Variants in ATP13A2 observed in about 807,000 individuals in gnomAD.
ATP13A2 encodes the protein ATPase cation transporting 13A2.
A neutral mutation model predicts 138.3 loss-of-function variants in ATP13A2; 83 were observed. That is an observed-to-expected ratio of 0.60 (90% CI 0.50 to 0.72). The LOEUF is 0.72. Among genes scored for constraint, ATP13A2 ranks in the 30% least tolerant of loss-of-function variants. The pLI is 0.00. For synonymous variants in ATP13A2, 663 were observed against 699.0 expected (o/e 0.95, Z 0.81); for missense variants, 1,402 against 1,606.4 (o/e 0.87, Z 2.17).
In ATP13A2 at chr1:16,985,963, G is replaced by A. The variant is rs759006564; in HGVS notation, c.*258C>T. 22 of 1,440,782 alleles carry A rather than the reference G, an allele frequency of 1.5e-5. No homozygotes were observed. In the African/African-American group the frequency reaches 3.0e-4, roughly 20 times the overall value. The allele number at this position is 1,440,782 out of a possible 1,614,324, so 89.2% of individuals were successfully genotyped here. A position where few individuals can be genotyped will look rare whatever the true frequency, so the allele number is the denominator to read the frequency against. On this transcript the variant is annotated 3_prime_UTR_variant, in exon 29 of 29. Coordinates refer to ENST00000326735, the MANE Select transcript of ATP13A2 (RefSeq NM_022089.4). ...TACAAGACAGGCACAGCAGAGCCAG[G>A]AAAATATCATGACTTTATTTGCTAC...
chr1:16,990,250 G>A lies in ATP13A2; in HGVS notation c.2289C>T (p.Gly763=). ...NLQTAVTVAR[G]CGMVAPQEHL... is the part of the protein sequence containing the mutation. ...GCTCCTGGGGGGCCACCATGCCACA[G>A]CCCCGGGCCACAGTCACCGCTGTCT... Residue 763 remains glycine, a synonymous_variant, in exon 21 of 29, where the codon GGC becomes GGT. Transcript: ENST00000326735. 6.2e-7 allele frequency: 1 copy of A among 1,614,058 alleles called. No homozygotes were observed. Among genetic ancestry groups the A allele is most frequent in the Non-Finnish European group, 8.5e-7 (1 of 1,180,034 alleles).
At chr1:17,003,165 G>A (rs1026908579) in intron 6 of ATP13A2, among the ~76,000 whole-genome samples, 3 of 152,090 alleles carry the variant, frequency 2.0e-5, no homozygotes, top group African/African-American at 7.2e-5. Flanking sequence ...ACCTCCCTCC[G>A]TGCTTCCATC....
chr1:16,991,636 A>G (rs778200903), intron 20 of ATP13A2, 98 bp downstream of exon 20: 4 of 1,588,472 alleles, frequency 2.5e-6, no homozygotes, highest in Non-Finnish European at 3.4e-6. Context: ...GCAAGGGCCC[A>G]AAAAGATGCC....
chr1:16,993,103 G>A (rs2076992249), intron 16 of ATP13A2, among the ~76,000 whole-genome samples: 1 of 152,148 alleles, frequency 6.6e-6, no homozygotes, highest in Non-Finnish European at 1.5e-5. Flanking sequence ...TTTTATTACA[G>A]ACGGGGTTTC....
At chr1:17,007,319 C>T (rs918079174) in intron 1 of ATP13A2, among the ~76,000 whole-genome samples, 5 of 152,168 alleles carry the variant, frequency 3.3e-5, no homozygotes, top group Non-Finnish European at 7.3e-5. Flanking sequence ...GGTTCATCTA[C>T]GGTCCCAGAC....
At position 16,997,093 on chromosome 1, in the gene ATP13A2, G is replaced by C. The variant is rs142916745; in HGVS notation, c.1122C>G (p.Leu374=). 1.2e-6 allele frequency: 2 copies of C among 1,613,630 alleles called. No individual in the cohort carries two copies. The highest frequency in any genetic ancestry group is 1.7e-6 in the Non-Finnish European group (2 of 1,180,026). The change falls in exon 12 of 29, where the codon CTC becomes CTG. Residue 374 remains leucine (L), a synonymous_variant. Transcript: ENST00000326735. The stretch of plus-strand genomic sequence containing the variant: ...CCTGCAAGATGAGGGTCCCGCAGAA[G>C]AGTGTGTGCCGCCGGTGTGTCTCTG... ...YCAETHRRHT[L]FCGTLILQAR... is the part of the protein sequence containing the mutation.
rs913315627 is a variant in ATP13A2, at chr1:16,991,782, C to T, written c.2203G>A (p.Val735Ile). ...RNLLKPQTTP[V>I]IQALRRTRIR... is the part of the protein sequence containing the mutation. ...CGGGTCCTTCGCAGAGCCTGGATAA[C>T]TGGCGTTGTCTGCGGCTTCAGTAGG... Residue 735 changes from valine (V) to isoleucine (I), a missense_variant, in exon 20 of 29, where the codon GTT becomes ATT. Transcript: ENST00000326735. The T allele has an allele frequency of 1.2e-6, 2 of 1,614,194 alleles. No individual in the cohort carries two copies. Among genetic ancestry groups the T allele is most frequent in the Middle Eastern group, 3.3e-4 (2 of 6,062 alleles).
chr1:16,992,405 G>A lies in ATP13A2; in HGVS notation c.1846-3C>T. On this transcript the variant is annotated splice_region_variant and splice_polypyrimidine_tract_variant and intron_variant, in intron 17 of 28. Coordinates refer to ENST00000326735, the MANE Select transcript of ATP13A2 (RefSeq NM_022089.4). Reference sequence around the variant, plus strand: ...CTGACTGGCACCGGGGGCTCCTCCTGCAGGGTTGGAGAGGCAGCTGAGGTG... The same window carrying A: ...CTGACTGGCACCGGGGGCTCCTCCTACAGGGTTGGAGAGGCAGCTGAGGTG... The A allele has an allele frequency of 6.2e-7, 1 of 1,613,800 alleles. No homozygotes were observed. Among genetic ancestry groups the A allele is most frequent in the African/African-American group, 1.3e-5 (1 of 75,066 alleles).
Position 17,011,603 on chromosome 1 carries a change from T to C in ATP13A2, c.10+126A>G. ...GGACGGGCCAGGATCCCCAACCAGG[T>C]CCCGCTTCCTGGGCTCGCGACCCCG... On this transcript the variant is annotated intron_variant, in intron 1 of 28. Transcript: ENST00000326735. This position sits in a 1 kb window ranked among gnomAD's most constrained non-coding sequence, Gnocchi z 7.3. 8.0e-7 allele frequency: 1 copy of C among 1,242,680 alleles called. No homozygotes were observed. Among genetic ancestry groups the C allele is most frequent in the South Asian group, 1.7e-5 (1 of 59,540 alleles). The allele number at this position is 1,242,680 out of a possible 1,614,324, so 77.0% of individuals were successfully genotyped here. A position where few individuals can be genotyped will look rare whatever the true frequency, so the allele number is the denominator to read the frequency against.
chr1:16,995,782 A>T lies in ATP13A2; in HGVS notation c.1542+194T>A. Reference sequence around the variant, plus strand: ...CTTGAACACATGAATACATGATTCTAGACATTTCATCTGCCAGACCGTGAG... The same window carrying T: ...CTTGAACACATGAATACATGATTCTTGACATTTCATCTGCCAGACCGTGAG... On this transcript the variant is annotated intron_variant, in intron 15 of 28. Transcript: ENST00000326735. The surrounding 1 kb of genome is among the most constrained non-coding windows in gnomAD (Gnocchi z 4.1). 1.3e-6 allele frequency: 1 copy of T among 755,772 alleles called. No homozygotes were observed. The highest frequency in any genetic ancestry group is 2.3e-6 in the Non-Finnish European group (1 of 439,796). The allele number at this position is 755,772 out of a possible 1,614,324, so 46.8% of individuals were successfully genotyped here.
At position 16,988,628 on chromosome 1, in the gene ATP13A2, A is replaced by G. The variant is rs142679886; in HGVS notation, c.2610-154T>C. Among the ~76,000 whole-genome samples the G allele has an allele frequency of 5.0e-3, 756 of 151,224 alleles. 10 individuals carry two copies. The highest frequency in any genetic ancestry group is 0.018 in the African/African-American group (724 of 40,678). On this transcript the variant is annotated intron_variant, in intron 23 of 28. Coordinates refer to ENST00000326735, the MANE Select transcript of ATP13A2 (RefSeq NM_022089.4). ...AATAGATGCAATTATTATTATTATT[A>G]TCATTATTATTATTATTTTTTGAGA...
In ATP13A2 at chr1:16,990,214, G is replaced by C. The variant is rs148374514; in HGVS notation, c.2325C>G (p.Ile775Met). The change falls in exon 21 of 29, where the codon ATC becomes ATG. Residue 775 changes from isoleucine to methionine, a missense_variant. By Grantham distance (10) the Ile-to-Met change is conservative. Transcript: ENST00000326735. ...CCCGCTCAGGGTGGGTGGCGTGGAC[G>C]ATGATCAGATGCTCCTGGGGGGCCA... Reference protein sequence around the residue: ...GMVAPQEHLIIVHATHPERGQ... With the variant: ...GMVAPQEHLIMVHATHPERGQ... The C allele has an allele frequency of 5.6e-5, 91 of 1,613,986 alleles. 1 individual carries two copies. The South Asian group carries it at 8.6e-4, about 15-fold the overall frequency.
intron 15 of ATP13A2, among the ~76,000 whole-genome samples, chr1:16,994,878 G>T (rs560976037): frequency 6.1e-4 from 93 of 152,088 alleles, no homozygotes; most frequent in African/African-American, 2.1e-3. Flanking sequence ...TGGCCAGGCT[G>T]GTCTTGAACT....
Position 17,005,676 on chromosome 1 carries a change from C to G in ATP13A2, c.105+8G>C. ...GCAGCTTTTCCCCACCCCACTCTGC[C>G]CACTTACCACGGATGAAACTGAGGA... is the stretch of plus-strand genomic sequence containing the variant. On this transcript the variant is annotated splice_region_variant and intron_variant, in intron 2 of 28. Coordinates refer to ENST00000326735, the MANE Select transcript of ATP13A2 (RefSeq NM_022089.4). The G allele has an allele frequency of 6.2e-7, 1 of 1,613,810 alleles. No individual in the cohort carries two copies. The highest frequency in any genetic ancestry group is 8.5e-7 in the Non-Finnish European group (1 of 1,179,870).
chr1:16,988,257 T>G, intron 24 of ATP13A2, 23 bp from the exon 25 acceptor site: 1 of 1,614,156 alleles, frequency 6.2e-7, no homozygotes, highest in Non-Finnish European at 8.5e-7. Context: ...GCACGGACAT[T>G]AGGGGACCCA....
chr1:17,008,784 C>A (rs1236396871), intron 1 of ATP13A2, among the ~76,000 whole-genome samples: 2 of 152,066 alleles, frequency 1.3e-5, no homozygotes, highest in East Asian at 1.9e-4. Context: ...CACGGTGAAA[C>A]CCTGTCTCTA....
In ATP13A2 at chr1:16,986,810, G is replaced by A. The variant is rs1241089562; in HGVS notation, c.3230C>T (p.Thr1077Ile). The change falls in exon 27 of 29, where the codon ACC becomes ATC. Residue 1077 changes from threonine to isoleucine, a missense_variant. By Grantham distance (89) the Thr-to-Ile change is moderately conservative (BLOSUM62 -1). Coordinates refer to ENST00000326735, the MANE Select transcript of ATP13A2 (RefSeq NM_022089.4). The surrounding 1 kb of genome is among the most constrained non-coding windows in gnomAD (Gnocchi z 6.9). ...GCCCGCGCCCGCAGTGGCACCATTG[G>A]TGTAGAGCGGCCGGCGGAAGGGCGC... ...KGAPFRRPLY[T>I]NVPFLVALAL... 2 of 1,613,184 alleles carry A rather than the reference G, an allele frequency of 1.2e-6. No homozygotes were observed. The highest frequency in any genetic ancestry group is 3.3e-5 in the Admixed American group (2 of 59,936).
Position 16,988,301 on chromosome 1 carries a change from A to G in ATP13A2, c.2762+21T>C, listed in dbSNP as rs560897844. The stretch of plus-strand genomic sequence containing the variant: ...GACCAGCCCTGCTGAGCCCTCACCC[A>G]CCGGTCCCTGCCTGCCTTACCTGAT... On this transcript the variant is annotated intron_variant, in intron 24 of 28. Coordinates refer to ENST00000326735, the MANE Select transcript of ATP13A2 (RefSeq NM_022089.4). 88 of 1,614,106 alleles carry G rather than the reference A, an allele frequency of 5.5e-5. No homozygotes were observed. In the Middle Eastern group the frequency reaches 8.2e-4, roughly 15 times the overall value.
In ATP13A2 at chr1:17,004,288, C is replaced by T; in HGVS notation, c.557+44G>A. 6.3e-7 allele frequency: 1 copy of T among 1,592,810 alleles called. No homozygotes were observed. Among genetic ancestry groups the T allele is most frequent in the Non-Finnish European group, 8.6e-7 (1 of 1,165,456 alleles). ...GCCACCGTCTGTGCCCAAACCAGTGCCACTCTGGGAGGTGACATGAGCCAC... is the reference window on the plus strand; with the variant it reads ...GCCACCGTCTGTGCCCAAACCAGTGTCACTCTGGGAGGTGACATGAGCCAC... On this transcript the variant is annotated intron_variant, in intron 6 of 28. Transcript: ENST00000326735. The surrounding 1 kb of genome is among the most constrained non-coding windows in gnomAD (Gnocchi z 4.1).
Sources: gnomAD v4.1 joint callset for allele counts (sites outside exome capture counted in the v4.1 genomes callset) on GRCh38, gnomAD v4.1.1 for gene constraint, Gnocchi (gnomAD v3.1) non-coding constraint, MANE v1.5 for transcripts, NCBI Gene and HGNC (gene_info 2026-07-23, HGNC 2026-07-21) for gene names.